PTPRO: variants seen among roughly 807,000 people sequenced by gnomAD.
The protein encoded by PTPRO is receptor-type tyrosine-protein phosphatase O.
In PTPRO, 62 loss-of-function variants were observed where a neutral mutation model predicts 145.2. That is an observed-to-expected ratio of 0.43 (90% CI 0.35 to 0.53). The LOEUF is 0.53. PTPRO is among the 20% of genes least tolerant of loss of function. The pLI is 0.01. For missense variants in PTPRO, 1,345 were observed against 1,482.7 expected, an observed-to-expected ratio of 0.91 and a Z score of 1.53; for synonymous variants, 565 against 514.7, an observed-to-expected ratio of 1.10 and a Z score of -1.32.
intron 1 of PTPRO, among the ~76,000 whole-genome samples, chr12:15,427,225 A>G: frequency 6.6e-6 from 1 of 151,986 alleles, no homozygotes; most frequent in East Asian, 1.9e-4. Flanking sequence ...GAAATTCTTC[A>G]TCTATTCCCT....
intron 25 of PTPRO, among the ~76,000 whole-genome samples, chr12:15,590,022 A>G (rs1944512926): frequency 6.6e-6 from 1 of 152,194 alleles, no homozygotes; most frequent in South Asian, 2.1e-4. Context: ...ACTTTTGATG[A>G]TGATTAGAAG....
At chr12:15,401,919 C>G (rs1272989193) in intron 1 of PTPRO, among the ~76,000 whole-genome samples, 1 of 152,110 alleles carries the variant, frequency 6.6e-6, no homozygotes, top group African/African-American at 2.4e-5. Context: ...TAGGTCATGC[C>G]TCTTAAACGC....
chr12:15,438,186 T>C (rs1478194194), intron 1 of PTPRO, among the ~76,000 whole-genome samples: 1 of 151,508 alleles, frequency 6.6e-6, no homozygotes, highest in African/African-American at 2.4e-5. Context: ...AATGACATTA[T>C]AAGGAAAGAA....
chr12:15,514,833 G>A (rs142981611), intron 7 of PTPRO, among the ~76,000 whole-genome samples: 10 of 151,860 alleles, frequency 6.6e-5, no homozygotes, highest in Non-Finnish European at 1.3e-4. Context: ...GCACAAACTC[G>A]GCTCACTGCA....
In PTPRO at chr12:15,544,743, A is replaced by G. The variant is rs114792346; in HGVS notation, c.2165-1826A>G. Among the ~76,000 whole-genome samples the G allele has an allele frequency of 4.1e-3, 619 of 152,306 alleles. 4 individuals carry two copies. The Middle Eastern group carries it at 0.041, about 10-fold the overall frequency. Reference sequence around the variant, plus strand: ...AAGTTCCACATGAGTCAGAATCCCTAAAGGACATAATCCTATTAGCAAAGG... The same window carrying G: ...AAGTTCCACATGAGTCAGAATCCCTGAAGGACATAATCCTATTAGCAAAGG... On this transcript the variant is annotated intron_variant, in intron 12 of 26. Transcript: ENST00000281171.
chr12:15,432,215 C>T (rs1183980421), intron 1 of PTPRO, among the ~76,000 whole-genome samples: 1 of 152,158 alleles, frequency 6.6e-6, no homozygotes, highest in Admixed American at 6.5e-5. Flanking sequence ...CATGTGTTCT[C>T]ATAATTTAGC....
chr12:15,531,071 G>A (rs931183792), intron 12 of PTPRO, among the ~76,000 whole-genome samples: 4 of 152,100 alleles, frequency 2.6e-5, no homozygotes, highest in South Asian at 2.1e-4. Context: ...AGAATCATGA[G>A]AGACTACTAT....
chr12:15,580,918 C>G, intron 22 of PTPRO, 87 bp downstream of exon 22: 1 of 1,522,028 alleles, frequency 6.6e-7, no homozygotes. Context: ...TTTTCAAAGT[C>G]AAATAAAACA....
At chr12:15,344,764 TA>T (rs907871916) in intron 1 of PTPRO, among the ~76,000 whole-genome samples, 30 of 152,188 alleles carry the variant, frequency 2.0e-4, no homozygotes, top group Non-Finnish European at 3.8e-4. Flanking sequence ...CCAGATGGCC[TA>T]CCATACCAAC....
At chr12:15,415,386 AT>A (rs58919838) in intron 1 of PTPRO, among the ~76,000 whole-genome samples, 107,183 of 132,508 alleles carry the variant, frequency 0.81, 44,974 homozygotes, top group East Asian at 0.98. Flanking sequence ...GGTGAAATGA[AT>A]TTTTTTTTTT....
chr12:15,528,998 C>G (rs1187235563), intron 12 of PTPRO, among the ~76,000 whole-genome samples: 1 of 152,138 alleles, frequency 6.6e-6, no homozygotes, highest in East Asian at 1.9e-4. Context: ...ACCTGTCATA[C>G]AAGAAATGCA....
At chr12:15,334,002 T>C (rs967554963) in intron 1 of PTPRO, among the ~76,000 whole-genome samples, 2 of 152,218 alleles carry the variant, frequency 1.3e-5, no homozygotes, top group African/African-American at 4.8e-5. Context: ...TTTGTTTTTA[T>C]CTTGGCTCTA....
chr12:15,570,557 A>T (rs1028129828), intron 19 of PTPRO, among the ~76,000 whole-genome samples: 76 of 152,184 alleles, frequency 5.0e-4, no homozygotes, highest in African/African-American at 1.8e-3. Context: ...GAAAAATTCC[A>T]CACAGAGCCT....
intron 20 of PTPRO, 70 bp downstream of exon 20, chr12:15,579,013 A>G: frequency 5.2e-6 from 7 of 1,355,844 alleles, no homozygotes; most frequent in Non-Finnish European, 7.4e-6. Flanking sequence ...CAGATTAATC[A>G]ATTTCACCAA....
intron 19 of PTPRO, among the ~76,000 whole-genome samples, chr12:15,572,938 A>T (rs1262775839): frequency 6.6e-6 from 1 of 152,192 alleles, no homozygotes; most frequent in African/African-American, 2.4e-5. Context: ...AATGAGTGGG[A>T]CATTCCCGCA....
chr12:15,500,748 C>T (rs2136468074), intron 4 of PTPRO, among the ~76,000 whole-genome samples: 1 of 152,162 alleles, frequency 6.6e-6, no homozygotes, highest in Non-Finnish European at 1.5e-5. Context: ...GTGGTGAAAC[C>T]CCATCTCTAC....
intron 1 of PTPRO, among the ~76,000 whole-genome samples, chr12:15,438,955 A>C (rs759573355): frequency 3.9e-5 from 6 of 152,154 alleles, no homozygotes; most frequent in Non-Finnish European, 7.3e-5. Context: ...AAAAAATCTT[A>C]AAGACTGCTA....
intron 5 of PTPRO, among the ~76,000 whole-genome samples, chr12:15,503,691 A>T (rs1434324593): frequency 6.6e-6 from 1 of 152,178 alleles, no homozygotes; most frequent in African/African-American, 2.4e-5. Context: ...ATTGATTTGA[A>T]TGCCGTATTT....
intron 1 of PTPRO, among the ~76,000 whole-genome samples, chr12:15,338,489 T>C (rs1866847170): frequency 6.6e-6 from 1 of 152,166 alleles, no homozygotes; most frequent in Non-Finnish European, 1.5e-5. Flanking sequence ...AAATTTATTA[T>C]GAAGCACGTT....
Sources: allele counts gnomAD v4.1 joint callset (sites outside exome capture counted in the v4.1 genomes callset), GRCh38; gene constraint gnomAD v4.1.1; transcripts MANE v1.5; gene names NCBI Gene and HGNC (gene_info 2026-07-23, HGNC 2026-07-21).